Variants in AOAH observed in about 807,000 individuals in gnomAD.
AOAH encodes acyloxyacyl hydrolase (neutrophil).
In AOAH, 64 loss-of-function variants were observed where a neutral mutation model predicts 92.2. That is an observed-to-expected ratio of 0.69 (90% CI 0.57 to 0.86). AOAH has a LOEUF of 0.86. Ranked by LOEUF, AOAH falls within the 40% of genes least tolerant of loss-of-function variation. The pLI is 0.00. For synonymous variants in AOAH, 263 were observed against 254.5 expected (o/e 1.03, Z -0.32); for missense variants, 656 against 694.6 (o/e 0.94, Z 0.62).
intron 13 of AOAH, among the ~76,000 whole-genome samples, chr7:36,575,685 ATTG>A (rs1246540776): frequency 6.6e-6 from 1 of 152,192 alleles, no homozygotes; most frequent in East Asian, 1.9e-4. Context: ...AAAAATCTAT[ATTG>A]TTCTTAGAAG....
chr7:36,637,978 A>G, intron 4 of AOAH, 68 bp from the exon 5 acceptor site: 1 of 1,312,830 alleles, frequency 7.6e-7, no homozygotes. Context: ...CTTTTCTAAA[A>G]TTAGGATATT....
At chr7:36,675,860 C>T (rs1016872485) in intron 2 of AOAH, among the ~76,000 whole-genome samples, 1 of 151,996 alleles carries the variant, frequency 6.6e-6, no homozygotes, top group African/African-American at 2.4e-5. Flanking sequence ...ATGTATTACT[C>T]CCATATCAAC....
intron 11 of AOAH, 25 bp downstream of exon 11, chr7:36,616,355 A>T: frequency 6.3e-7 from 1 of 1,587,808 alleles, no homozygotes; most frequent in African/African-American, 1.3e-5. Context: ...GCACATCTGG[A>T]ATGATTACTG....
intron 5 of AOAH, among the ~76,000 whole-genome samples, chr7:36,632,601 A>T: frequency 6.6e-6 from 1 of 152,172 alleles, no homozygotes; most frequent in East Asian, 1.9e-4. Flanking sequence ...CTAGACAGCG[A>T]TTTCTATGAG....
intron 3 of AOAH, among the ~76,000 whole-genome samples, chr7:36,663,483 T>C (rs1487536099): frequency 1.3e-5 from 2 of 152,184 alleles, no homozygotes; most frequent in Admixed American, 6.5e-5. Flanking sequence ...TCTCTCTCCA[T>C]CCTAACCCCT....
intron 11 of AOAH, among the ~76,000 whole-genome samples, chr7:36,606,509 C>A (rs1165565594): frequency 1.3e-5 from 2 of 152,230 alleles, no homozygotes; most frequent in Non-Finnish European, 2.9e-5. Flanking sequence ...AGGCAACAGC[C>A]TTAGCTAGCA....
chr7:36,522,751 A>G (rs968213337), intron 19 of AOAH, among the ~76,000 whole-genome samples: 1 of 152,172 alleles, frequency 6.6e-6, no homozygotes, highest in Admixed American at 6.5e-5. Context: ...ACAGTCAGTA[A>G]GAACTCCTCA....
At chr7:36,719,897 C>T (rs1466571760) in intron 1 of AOAH, among the ~76,000 whole-genome samples, 1 of 151,594 alleles carries the variant, frequency 6.6e-6, no homozygotes, top group African/African-American at 2.4e-5. Flanking sequence ...AATTGTACCA[C>T]TGCACTGTAG....
intron 1 of AOAH, among the ~76,000 whole-genome samples, chr7:36,722,441 C>A (rs866815210): frequency 2.6e-5 from 4 of 152,166 alleles, no homozygotes; most frequent in South Asian, 2.1e-4. Context: ...AAACTGATTT[C>A]ATCTGAGCTT....
chr7:36,624,911 G>C (rs1792534275), intron 6 of AOAH, among the ~76,000 whole-genome samples: 1 of 152,184 alleles, frequency 6.6e-6, no homozygotes, highest in African/African-American at 2.4e-5. Context: ...CATAACCGGG[G>C]GGCCTTGCCT....
At chr7:36,705,623 G>GA (rs1207988508) in intron 1 of AOAH, among the ~76,000 whole-genome samples, 2 of 151,984 alleles carry the variant, frequency 1.3e-5, no homozygotes, top group African/African-American at 2.4e-5. Context: ...CACAGAATTA[G>GA]AAAAAAACTA....
At chr7:36,707,809 T>C (rs561725550) in intron 1 of AOAH, among the ~76,000 whole-genome samples, 1 of 149,278 alleles carries the variant, frequency 6.7e-6, no homozygotes, top group Admixed American at 6.7e-5. Context: ...TTTCTTGAGA[T>C]TCTTGGATCT....
At chr7:36,667,056 T>C (rs1217803543) in intron 3 of AOAH, among the ~76,000 whole-genome samples, 1 of 152,188 alleles carries the variant, frequency 6.6e-6, no homozygotes, top group African/African-American at 2.4e-5. Flanking sequence ...AAACAGTCCT[T>C]AAATGTCAAT....
At chr7:36,597,113 G>A (rs889069825) in intron 11 of AOAH, among the ~76,000 whole-genome samples, 6 of 152,088 alleles carry the variant, frequency 3.9e-5, no homozygotes, top group African/African-American at 1.4e-4. Context: ...GGAAGAGGGA[G>A]GAGTTGGTCA....
At chr7:36,608,910 AGG>A (rs1198057785) in intron 11 of AOAH, among the ~76,000 whole-genome samples, 4 of 17,232 alleles carry the variant, frequency 2.3e-4, no homozygotes, top group African/African-American at 5.9e-4. Context: ...TGCGGCGGGG[AGG>A]GGGGGGGGTC....
chr7:36,625,734 C>T (rs1254857799), intron 6 of AOAH, among the ~76,000 whole-genome samples: 1 of 152,204 alleles, frequency 6.6e-6, no homozygotes, highest in Non-Finnish European at 1.5e-5. Context: ...CCCCCATGAT[C>T]ACCCACACCT....
intron 12 of AOAH, among the ~76,000 whole-genome samples, chr7:36,583,401 G>A (rs911753887): frequency 6.6e-6 from 1 of 152,282 alleles, no homozygotes; most frequent in Non-Finnish European, 1.5e-5. Flanking sequence ...TAGGGCCAGG[G>A]AGATAGATTA....
At chr7:36,577,602 T>C (rs542646290) in intron 12 of AOAH, among the ~76,000 whole-genome samples, 254 of 152,340 alleles carry the variant, frequency 1.7e-3, no homozygotes, top group African/African-American at 5.3e-3. Context: ...TATAATTATA[T>C]ATATTTTAAC....
intron 11 of AOAH, chr7:36,597,787 A>C (rs1235101135): frequency 6.6e-6 from 1 of 152,214 alleles, no homozygotes; most frequent in Non-Finnish European, 1.5e-5. Flanking sequence ...GTAGCCTGGC[A>C]CACTAAGGGA....
Sources: allele counts gnomAD v4.1 joint callset (sites outside exome capture counted in the v4.1 genomes callset), GRCh38; gene constraint gnomAD v4.1.1; transcripts MANE v1.5; gene names NCBI Gene and HGNC (gene_info 2026-07-23, HGNC 2026-07-21).